MARCHF1: variants seen among roughly 807,000 people sequenced by gnomAD.
The protein encoded by MARCHF1 is E3 ubiquitin-protein ligase MARCHF1.
MARCHF1 carries 40 observed loss-of-function variants against 54.2 expected under a neutral mutation model. The ratio of observed to expected loss-of-function variants is 0.74; its 90% CI spans 0.57 to 0.96. The LOEUF (loss-of-function observed/expected upper bound fraction) is 0.96, where lower values mean the gene tolerates loss of function less well. Among genes scored for constraint, MARCHF1 ranks in the 40% least tolerant of loss-of-function variants. MARCHF1 has a pLI of 0.00. For synonymous variants in MARCHF1, 236 were observed against 236.3 expected, an observed-to-expected ratio of 1.00 and a Z score of 0.01; for missense variants, 586 against 656.5, an observed-to-expected ratio of 0.89 and a Z score of 1.17.
chr4:164,277,733 A>T lies in MARCHF1; in HGVS notation c.-323+106137T>A, dbSNP rs186794102. Among the ~76,000 whole-genome samples the T allele has an allele frequency of 2.7e-3, 404 of 152,354 alleles. 2 individuals are homozygous for T. Among genetic ancestry groups the T allele is most frequent in the African/African-American group, 9.3e-3 (385 of 41,592 alleles). ...ACAACTGCACTTTTATATTTTAACA[A>T]ATTATATTTCCCATATTGAACTGTA... is the stretch of plus-strand genomic sequence containing the variant. On this transcript the variant is annotated intron_variant, in intron 1 of 9. Transcript: ENST00000514618.
chr4:163,902,223 G>A (rs531645460), intron 3 of MARCHF1, among the ~76,000 whole-genome samples: 1 of 152,126 alleles, frequency 6.6e-6, no homozygotes, highest in South Asian at 2.1e-4. Flanking sequence ...ATCCCACAGG[G>A]GTCTCTCAAT....
chr4:163,697,790 T>C (rs1227418803), intron 5 of MARCHF1, among the ~76,000 whole-genome samples: 1 of 152,206 alleles, frequency 6.6e-6, no homozygotes, highest in African/African-American at 2.4e-5. Flanking sequence ...AATATATGTA[T>C]ACATTTTATG....
At chr4:164,001,966 T>C (rs764050656) in intron 2 of MARCHF1, among the ~76,000 whole-genome samples, 4 of 151,850 alleles carry the variant, frequency 2.6e-5, no homozygotes, top group Non-Finnish European at 4.4e-5. Flanking sequence ...AGAGAGCAGA[T>C]AACTTATAGA....
chr4:163,730,446 T>C (rs1745792385), intron 4 of MARCHF1, among the ~76,000 whole-genome samples: 2 of 152,284 alleles, frequency 1.3e-5, no homozygotes, highest in African/African-American at 4.8e-5. Context: ...TACTTTTTCA[T>C]TTATTTTTAT....
intron 1 of MARCHF1, among the ~76,000 whole-genome samples, chr4:164,252,168 A>G (rs1733147449): frequency 6.6e-6 from 1 of 152,220 alleles, no homozygotes; most frequent in Non-Finnish European, 1.5e-5. Flanking sequence ...TATATCACCA[A>G]GTATGGCTTA....
intron 3 of MARCHF1, among the ~76,000 whole-genome samples, chr4:163,951,071 A>G (rs1028109539): frequency 3.9e-5 from 6 of 152,226 alleles, no homozygotes; most frequent in Non-Finnish European, 8.8e-5. Context: ...CACTTCACTT[A>G]TTTTGATTTT....
intron 2 of MARCHF1, among the ~76,000 whole-genome samples, chr4:164,078,631 A>G (rs1755028378): frequency 6.6e-6 from 1 of 152,258 alleles, no homozygotes; most frequent in Non-Finnish European, 1.5e-5. Context: ...AAGAAATAAC[A>G]TAACAGTTTG....
At chr4:163,934,443 C>T (rs933696590) in intron 3 of MARCHF1, among the ~76,000 whole-genome samples, 1 of 151,436 alleles carries the variant, frequency 6.6e-6, no homozygotes, top group Non-Finnish European at 1.5e-5. Context: ...TCTGTAGTCC[C>T]AGCTACTCAG....
rs149137593 is a variant in MARCHF1, at chr4:163,956,611, T to C, written c.-39+31890A>G. 3.3e-4 allele frequency among the ~76,000 whole-genome samples: 50 copies of C among 152,208 alleles called. No individual in the cohort carries two copies. In the East Asian group the frequency reaches 9.5e-3, roughly 29 times the overall value. On this transcript the variant is annotated intron_variant, in intron 3 of 9. Transcript: ENST00000514618. ...CAAAATAGGAAAGATATCAGTGAAA[T>C]AGACAATATTATATGCAAAATTGTA...
chr4:164,235,083 G>A (rs1424238488), intron 1 of MARCHF1, among the ~76,000 whole-genome samples: 1 of 151,844 alleles, frequency 6.6e-6, no homozygotes. Context: ...ATTAAAGAAG[G>A]GTGTTCTCTA....
chr4:163,886,243 A>ATAGGTATAGATAGATATATAGG (rs1750530405), intron 3 of MARCHF1, among the ~76,000 whole-genome samples: 1 of 150,678 alleles, frequency 6.6e-6, no homozygotes, highest in Admixed American at 6.6e-5. Flanking sequence ...TGATATAGAG[A>ATAGGTATAGATAGATATATAGG]TAGGTATAGA....
intron 3 of MARCHF1, among the ~76,000 whole-genome samples, chr4:163,953,905 T>C (rs946760589): frequency 7.9e-5 from 12 of 152,182 alleles, no homozygotes; most frequent in African/African-American, 2.7e-4. Flanking sequence ...ACACAGAACC[T>C]AAAATATTTA....
At chr4:163,867,564 C>T (rs1750080462) in intron 3 of MARCHF1, among the ~76,000 whole-genome samples, 1 of 151,618 alleles carries the variant, frequency 6.6e-6, no homozygotes, top group Non-Finnish European at 1.5e-5. Flanking sequence ...TATACTCGGT[C>T]CCCTTTCTTC....
intron 5 of MARCHF1, among the ~76,000 whole-genome samples, chr4:163,673,846 A>G (rs949849922): frequency 2.0e-5 from 3 of 152,202 alleles, no homozygotes; most frequent in African/African-American, 7.2e-5. Flanking sequence ...CCCAAAATCA[A>G]AACTGCCAGT....
intron 4 of MARCHF1, among the ~76,000 whole-genome samples, chr4:163,701,282 A>T (rs570747459): frequency 6.6e-6 from 1 of 152,176 alleles, no homozygotes; most frequent in South Asian, 2.1e-4. Flanking sequence ...GGTATATGCT[A>T]TATACATCCA....
intron 8 of MARCHF1, among the ~76,000 whole-genome samples, chr4:163,579,300 C>T (rs1486660828): frequency 6.6e-6 from 1 of 152,052 alleles, no homozygotes; most frequent in African/African-American, 2.4e-5. Context: ...AAGAATTGCA[C>T]TTCTAAGAGT....
rs77763743 is a variant in MARCHF1, at chr4:163,822,077, T to G, written c.111+31944A>C. Among the ~76,000 whole-genome samples, 1,030 of 152,062 alleles carry G rather than the reference T, an allele frequency of 6.8e-3. 8 individuals are homozygous for G. The highest frequency in any genetic ancestry group is 0.029 in the South Asian group (141 of 4,828). On this transcript the variant is annotated intron_variant, in intron 4 of 9. Transcript: ENST00000514618. ...GCCAAAACTTTTAATTACTTTTTAT[T>G]TATCCTGTTTTTAAACCATGACCTT...
chr4:163,899,028 A>G (rs1560810272), intron 3 of MARCHF1, among the ~76,000 whole-genome samples: 1 of 152,098 alleles, frequency 6.6e-6, no homozygotes, highest in Non-Finnish European at 1.5e-5. Context: ...GACACTAGGA[A>G]CTCCAAAAGT....
chr4:163,603,794 T>C (rs1189587312), intron 7 of MARCHF1, among the ~76,000 whole-genome samples: 3 of 152,096 alleles, frequency 2.0e-5, no homozygotes, highest in African/African-American at 7.2e-5. Flanking sequence ...TTCCCTTCCA[T>C]GGCCAATCTT....
Sources: gnomAD v4.1 joint callset for allele counts (sites outside exome capture counted in the v4.1 genomes callset) on GRCh38, gnomAD v4.1.1 for gene constraint, MANE v1.5 for transcripts, NCBI Gene and HGNC (gene_info 2026-07-23, HGNC 2026-07-21) for gene names.